The following CFAP74 variants were observed in gnomAD, a reference collection of about 807,000 sequenced individuals.
CFAP74 encodes the protein cilia and flagella associated protein 74, also known as cilia- and flagella-associated protein 74.
A neutral mutation model predicts 188.9 loss-of-function variants in CFAP74; 124 were observed. The observed-to-expected ratio is 0.66, with a 90% CI of 0.57 to 0.76. CFAP74 has a LOEUF of 0.76. CFAP74 is among the 30% of genes least tolerant of loss of function. The pLI, the probability that CFAP74 is intolerant of heterozygous loss-of-function variation, is 0.00. For synonymous variants in CFAP74, 956 were observed against 916.7 expected, an observed-to-expected ratio of 1.04 and a Z score of -0.77; for missense variants, 2,198 against 2,165.2, an observed-to-expected ratio of 1.02 and a Z score of -0.30.
rs1657385158 is a variant in CFAP74 at position 1,988,612 on chromosome 1, T to C, written c.196A>G (p.Lys66Glu). 1 of 1,612,416 alleles carries C rather than the reference T, an allele frequency of 6.2e-7. No homozygotes were observed. The highest frequency in any genetic ancestry group is 1.7e-4 in the Middle Eastern group (1 of 6,054). The change falls in exon 4 of 39, where the codon AAA becomes GAA. Residue 66 changes from lysine to glutamate, a missense_variant. Coordinates refer to ENST00000682832, the MANE Select transcript of CFAP74 (RefSeq NM_001304360.2). ...LDTDADKLKK[K>E]TAEDRTQAFH... ...GCCTGCGTTCTGTCCTCAGCTGTTT[T>C]CTTCTTCAATTTATCAGCATCAGTA...
chr1:1,970,088 G>A (rs548444818), intron 10 of CFAP74, among the ~76,000 whole-genome samples: 189 of 152,368 alleles, frequency 1.2e-3, no homozygotes, highest in South Asian at 3.1e-3. Flanking sequence ...CCGTGGGTGG[G>A]GGGTCCGAGA....
intron 18 of CFAP74, among the ~76,000 whole-genome samples, chr1:1,951,185 G>GGA (rs1037288833): frequency 3.9e-5 from 6 of 152,146 alleles, no homozygotes; most frequent in Admixed American, 2.6e-4. Context: ...CACAGCGGCA[G>GGA]GAGAGAGAGA....
chr1:1,939,943 C>T (rs186538296), intron 23 of CFAP74, among the ~76,000 whole-genome samples, 176 bp from the exon 24 acceptor site: 35 of 152,296 alleles, frequency 2.3e-4, no homozygotes, highest in African/African-American at 6.3e-4. Context: ...CCTGACATGG[C>T]GGGAGGAGCT....
intron 34 of CFAP74, 138 bp from the exon 35 acceptor site, chr1:1,924,067 T>A: frequency 1.5e-6 from 1 of 645,392 alleles, no homozygotes; most frequent in Non-Finnish European, 2.2e-6. Context: ...CCAATGGCCT[T>A]GCGCCCCCCA....
intron 6 of CFAP74, among the ~76,000 whole-genome samples, chr1:1,982,812 G>T (rs1445476015): frequency 6.6e-6 from 1 of 152,230 alleles, no homozygotes; most frequent in African/African-American, 2.4e-5. Context: ...AGAGAAGGGG[G>T]TGAAATAGAC....
intron 26 of CFAP74, among the ~76,000 whole-genome samples, chr1:1,929,562 G>C (rs1439388002): frequency 6.6e-6 from 1 of 151,636 alleles, no homozygotes; most frequent in Admixed American, 6.6e-5. Context: ...TCCCATGTGA[G>C]CCAACTGTCC....
chr1:1,940,388 C>T lies in CFAP74; in HGVS notation c.2631G>A (p.Glu877=), dbSNP rs140162737. ...CCTTGTCAAAATACCTCCCTGCGTC[C>T]TCCGGGAGGGAGTGTCTGAAAGAGG... ...LKFLPRHSLP[E]DAGRYFDKET... is the part of the protein sequence containing the mutation. Residue 877 remains glutamate (E), a synonymous_variant, in exon 23 of 39, where the codon GAG becomes GAA. Coordinates refer to ENST00000682832, the MANE Select transcript of CFAP74 (RefSeq NM_001304360.2). 4.0e-5 allele frequency: 62 copies of T among 1,532,400 alleles called. No individual in the cohort carries two copies. In the African/African-American group the frequency reaches 6.6e-4, roughly 16 times the overall value. 94.9% of individuals were successfully genotyped at this position (1,532,400 alleles called of 1,614,324 possible).
rs1656252021 is a variant in CFAP74, at chr1:1,973,786, T to G, written c.674+239A>C. Among the ~76,000 whole-genome samples the G allele has an allele frequency of 6.6e-6, 1 of 151,760 alleles. No individual in the cohort carries two copies. Among genetic ancestry groups the G allele is most frequent in the Non-Finnish European group, 1.5e-5 (1 of 67,948 alleles). ...TTAGTAGCCAGCTTTAGCGGCTGTA[T>G]GGTGGCTGCGGCATCTTGGGAGGGC... On this transcript the variant is annotated intron_variant, in intron 7 of 38. Coordinates refer to ENST00000682832, the MANE Select transcript of CFAP74 (RefSeq NM_001304360.2). This position sits in a 1 kb window ranked among gnomAD's most constrained non-coding sequence, Gnocchi z 6.2.
rs540960909 is a variant in CFAP74 at position 1,944,763 on chromosome 1, T to G, written c.2365-311A>C. Among the ~76,000 whole-genome samples, 382 of 152,202 alleles carry G rather than the reference T, an allele frequency of 2.5e-3. 1 individual carries two copies. Among genetic ancestry groups the G allele is most frequent in the Admixed American group, 4.4e-3 (68 of 15,284 alleles). On this transcript the variant is annotated intron_variant, in intron 20 of 38. Transcript: ENST00000682832. ...CTGGGATTACAGGCGCCCGCCACCA[T>G]GCCAGGCTAATTTTTGTATTTTTAG...
chr1:1,930,376 C>T (rs748604067), intron 25 of CFAP74, 40 bp from the exon 26 acceptor site: 110 of 1,477,782 alleles, frequency 7.4e-5, no homozygotes, highest in South Asian at 2.1e-4. Context: ...CCGTGCAGGG[C>T]GTCCGTGTCC....
intron 5 of CFAP74, among the ~76,000 whole-genome samples, chr1:1,985,937 G>A (rs964652808): frequency 1.3e-5 from 2 of 152,242 alleles, no homozygotes; most frequent in African/African-American, 4.8e-5. Flanking sequence ...ACCACTTCCC[G>A]GGCGGTGGGC....
rs750596287 is a variant in CFAP74 at position 1,928,894 on chromosome 1, C to A, written c.3289-12G>T. The A allele has an allele frequency of 9.2e-6, 14 of 1,527,352 alleles. No individual in the cohort carries two copies. In the South Asian group the frequency reaches 1.6e-4, roughly 17 times the overall value. The allele number at this position is 1,527,352 out of a possible 1,614,324, so 94.6% of individuals were successfully genotyped here. A position where few individuals can be genotyped will look rare whatever the true frequency, so the allele number is the denominator to read the frequency against. ...TGGACCAGGCACCTCTGAGGAGAGA[C>A]CAGCGTGGGCACAGGGGTTGCCACT... is the stretch of plus-strand genomic sequence containing the variant. On this transcript the variant is annotated splice_polypyrimidine_tract_variant and intron_variant, in intron 26 of 38. Coordinates refer to ENST00000682832, the MANE Select transcript of CFAP74 (RefSeq NM_001304360.2).
chr1:1,993,680 G>A (rs943694746), intron 1 of CFAP74, among the ~76,000 whole-genome samples: 7 of 21,648 alleles, frequency 3.2e-4, no homozygotes, highest in Non-Finnish European at 8.7e-4. Context: ...CAAAACAGCT[G>A]ATGTCAAATG....
chr1:1,964,660 G>T (rs1459260363), intron 13 of CFAP74, among the ~76,000 whole-genome samples: 1 of 152,184 alleles, frequency 6.6e-6, no homozygotes, highest in African/African-American at 2.4e-5. Context: ...CGTGGTGGCA[G>T]GCGCCTGTAA....
At chr1:1,929,915 G>A (rs922026080) in intron 26 of CFAP74, 145 bp downstream of exon 26, 21 of 940,532 alleles carry the variant, frequency 2.2e-5, no homozygotes, top group South Asian at 1.3e-4. Context: ...GGCCCTGCTC[G>A]GGTCTGAGGG....
At chr1:1,960,886 T>C (rs2803291) in intron 14 of CFAP74, among the ~76,000 whole-genome samples, 127,128 of 152,126 alleles carry the variant, frequency 0.84, 53,260 homozygotes, top group East Asian at 0.89. Flanking sequence ...ACCCTTCAGA[T>C]GACAGAAGCG....
At chr1:1,947,078 G>T in intron 18 of CFAP74, 24 bp from the exon 19 acceptor site, 2 of 1,523,058 alleles carry the variant, frequency 1.3e-6, no homozygotes, top group Non-Finnish European at 1.8e-6. Flanking sequence ...GGGATCCAGA[G>T]GTGAGGGTTG....
chr1:1,922,697 G>A lies in CFAP74; in HGVS notation c.4710C>T (p.Val1570=), dbSNP rs759272718. Residue 1570 remains valine, a synonymous_variant, in exon 38 of 39, where the codon GTC becomes GTT. Coordinates refer to ENST00000682832, the MANE Select transcript of CFAP74 (RefSeq NM_001304360.2). ...AGAAACCCTTGTGCTGCAGGGATGCGACGCTGTCTATGCTGAACTCAACGG... is the reference window on the plus strand; with the variant it reads ...AGAAACCCTTGTGCTGCAGGGATGCAACGCTGTCTATGCTGAACTCAACGG... ...KKTVEFSIDS[V]ASLQHKGFSI... is the part of the protein sequence containing the mutation. The A allele has an allele frequency of 9.4e-6, 15 of 1,601,584 alleles. No homozygotes were observed. Among genetic ancestry groups the A allele is most frequent in the African/African-American group, 2.7e-5 (2 of 74,724 alleles).
chr1:1,928,478 C>T (rs1164143862), intron 27 of CFAP74, among the ~76,000 whole-genome samples: 1 of 152,344 alleles, frequency 6.6e-6, no homozygotes, highest in Admixed American at 6.5e-5. Context: ...CTCCCGGGGC[C>T]TCCAGGTTGT....
Sources: gnomAD v4.1 joint callset for allele counts (sites outside exome capture counted in the v4.1 genomes callset) on GRCh38, gnomAD v4.1.1 for gene constraint, Gnocchi (gnomAD v3.1) non-coding constraint, MANE v1.5 for transcripts, NCBI Gene and HGNC (gene_info 2026-07-23, HGNC 2026-07-21) for gene names.